The following SMYD3 variants were observed in gnomAD, a reference collection of about 807,000 sequenced individuals.
SMYD3 encodes the protein histone-lysine N-methyltransferase SMYD3.
A neutral mutation model predicts 57.7 loss-of-function variants in SMYD3; 36 were observed. The observed-to-expected ratio is 0.62, with a 90% confidence interval of 0.48 to 0.82. SMYD3 has a LOEUF of 0.82. Ranked by LOEUF, SMYD3 falls within the 40% of genes least tolerant of loss-of-function variation. The pLI is 0.00. For synonymous variants in SMYD3, 211 were observed against 195.0 expected (o/e 1.08, Z -0.68); for missense variants, 515 against 538.8 (o/e 0.96, Z 0.44).
chr1:246,306,403 T>TA (rs200279905), intron 5 of SMYD3, among the ~76,000 whole-genome samples: 3,913 of 149,668 alleles, frequency 0.026, 77 homozygotes, highest in Non-Finnish European at 0.04. Context: ...TCCCTTGAAA[T>TA]AAAAAAAAAA....
At chr1:246,227,956 CTTTTTTTTTTTTTTT>C (rs202246263) in intron 5 of SMYD3, among the ~76,000 whole-genome samples, 1 of 115,594 alleles carries the variant, frequency 8.7e-6, no homozygotes, top group Non-Finnish European at 1.7e-5. Flanking sequence ...ATTTTTATTC[CTTTTTTTTTTTTTTT>C]TTTTTTTGGA....
At chr1:245,931,686 T>A (rs1420232798) in intron 5 of SMYD3, among the ~76,000 whole-genome samples, 1 of 152,138 alleles carries the variant, frequency 6.6e-6, no homozygotes, top group Non-Finnish European at 1.5e-5. Flanking sequence ...AGACTACAAA[T>A]GGATGCTGAC....
intron 5 of SMYD3, among the ~76,000 whole-genome samples, chr1:246,059,036 G>T (rs1015027268): frequency 9.2e-5 from 14 of 151,990 alleles, no homozygotes; most frequent in African/African-American, 3.4e-4. Flanking sequence ...CACCATGCCC[G>T]GCTAAATTTT....
At chr1:246,402,359 A>G (rs1384652396) in intron 1 of SMYD3, among the ~76,000 whole-genome samples, 2 of 151,950 alleles carry the variant, frequency 1.3e-5, no homozygotes, top group Non-Finnish European at 1.5e-5. Context: ...TCGATCAGCT[A>G]AAATGATTAA....
chr1:246,258,462 T>G (rs2063939396), intron 5 of SMYD3, among the ~76,000 whole-genome samples: 1 of 152,092 alleles, frequency 6.6e-6, no homozygotes, highest in South Asian at 2.1e-4. Context: ...ATTTTATTTC[T>G]TCTTCATTTA....
At chr1:246,117,871 T>C (rs1424413107) in intron 5 of SMYD3, among the ~76,000 whole-genome samples, 2 of 152,208 alleles carry the variant, frequency 1.3e-5, no homozygotes, top group African/African-American at 2.4e-5. Context: ...TTTCTTTGCA[T>C]TGGTCAAATT....
intron 5 of SMYD3, among the ~76,000 whole-genome samples, chr1:246,191,243 G>T (rs1381131730): frequency 6.6e-6 from 1 of 152,152 alleles, no homozygotes; most frequent in Non-Finnish European, 1.5e-5. Flanking sequence ...CTGGTGATGT[G>T]GTTTTGAGAT....
chr1:246,166,444 T>C (rs999431563), intron 5 of SMYD3, among the ~76,000 whole-genome samples: 2 of 152,212 alleles, frequency 1.3e-5, no homozygotes, highest in African/African-American at 2.4e-5. Flanking sequence ...AACACCCTAC[T>C]CACTGTGTGA....
chr1:245,910,951 A>G (rs189332776), intron 8 of SMYD3, among the ~76,000 whole-genome samples: 1 of 152,254 alleles, frequency 6.6e-6, no homozygotes, highest in East Asian at 1.9e-4. Flanking sequence ...TAATCAATGA[A>G]GAAACAACCT....
chr1:246,114,087 C>T (rs1446044281), intron 5 of SMYD3, among the ~76,000 whole-genome samples: 4 of 152,142 alleles, frequency 2.6e-5, no homozygotes, highest in African/African-American at 9.7e-5. Context: ...AATAGAACCC[C>T]ATTATCAGGA....
intron 8 of SMYD3, among the ~76,000 whole-genome samples, chr1:245,869,705 A>G (rs1237469433): frequency 6.6e-6 from 1 of 151,716 alleles, no homozygotes; most frequent in Non-Finnish European, 1.5e-5. Context: ...CTTTCCCCTC[A>G]CAGCTCCACC....
chr1:246,392,779 A>C (rs911378156), intron 1 of SMYD3, among the ~76,000 whole-genome samples: 2 of 143,418 alleles, frequency 1.4e-5, no homozygotes, highest in South Asian at 4.6e-4. Flanking sequence ...AGATGGTTCA[A>C]CAGCAAAAAA....
At chr1:245,857,445 A>G (rs72766677) in intron 10 of SMYD3, among the ~76,000 whole-genome samples, 84,122 of 151,612 alleles carry the variant, frequency 0.55, 26,507 homozygotes, top group Non-Finnish European at 0.73. Context: ...GGGAACAGGA[A>G]GTACCCTGGA....
intron 11 of SMYD3, among the ~76,000 whole-genome samples, chr1:245,754,729 T>G (rs2045537855): frequency 6.6e-6 from 1 of 152,204 alleles, no homozygotes; most frequent in South Asian, 2.1e-4. Flanking sequence ...GAGGCAGAAT[T>G]TCCTTAGAGA....
chr1:246,275,303 T>C lies in SMYD3; in HGVS notation c.531+51898A>G, dbSNP rs117053373. Among the ~76,000 whole-genome samples the C allele has an allele frequency of 7.5e-4, 114 of 152,372 alleles. 2 individuals carry two copies. The East Asian group carries it at 0.021, about 28-fold the overall frequency. On this transcript the variant is annotated intron_variant, in intron 5 of 11. Transcript: ENST00000490107. ...CATTCTGGCACCCAGGCTTATAGTT[T>C]GCCTGCTCCTGGCCAACAACAAAGA... is the stretch of plus-strand genomic sequence containing the variant.
intron 5 of SMYD3, among the ~76,000 whole-genome samples, chr1:246,285,463 C>T (rs1220700375): frequency 2.0e-5 from 3 of 152,008 alleles, no homozygotes; most frequent in Non-Finnish European, 4.4e-5. Context: ...ACTGGATCCT[C>T]ACCTCTCACC....
intron 5 of SMYD3, among the ~76,000 whole-genome samples, chr1:246,186,084 G>A (rs2062635612): frequency 6.6e-6 from 1 of 152,052 alleles, no homozygotes; most frequent in Non-Finnish European, 1.5e-5. Context: ...AACATAAATA[G>A]TTCCCTTAAT....
At chr1:246,108,366 A>G (rs535823157) in intron 5 of SMYD3, among the ~76,000 whole-genome samples, 1 of 152,322 alleles carries the variant, frequency 6.6e-6, no homozygotes, top group African/African-American at 2.4e-5. Context: ...GAATACAGGT[A>G]TCACATCAGA....
At chr1:246,104,066 A>C (rs116047649) in intron 5 of SMYD3, among the ~76,000 whole-genome samples, 2,052 of 152,310 alleles carry the variant, frequency 0.013, 16 homozygotes, top group Non-Finnish European at 0.023. Flanking sequence ...ACAAACTATT[A>C]GTTCTAGCTC....
Sources: allele counts gnomAD v4.1 joint callset (sites outside exome capture counted in the v4.1 genomes callset), GRCh38; gene constraint gnomAD v4.1.1; transcripts MANE v1.5; gene names NCBI Gene and HGNC (gene_info 2026-07-23, HGNC 2026-07-21).